OPRD1: variants seen among roughly 807,000 people sequenced by gnomAD.
OPRD1 encodes the protein delta-type opioid receptor.
Under a neutral mutation model 17.5 loss-of-function variants are expected in OPRD1, and 19 were observed. The observed-to-expected ratio is 1.09, with a 90% CI of 0.76 to 1.60. OPRD1 has a LOEUF of 1.60. Ranked by LOEUF, OPRD1 falls within the 40% of genes most tolerant of loss-of-function variation. The pLI is 0.00. For synonymous variants in OPRD1, 256 were observed against 240.9 expected (o/e 1.06, Z -0.58); for missense variants, 483 against 547.2 (o/e 0.88, Z 1.17).
At chr1:28,832,102 A>G (rs1451423461) in intron 1 of OPRD1, among the ~76,000 whole-genome samples, 1 of 152,182 alleles carries the variant, frequency 6.6e-6, no homozygotes, top group Non-Finnish European at 1.5e-5. Context: ...AGCAGTGTCC[A>G]TGAAGCAATG....
At chr1:28,837,066 C>T (rs766306844) in intron 1 of OPRD1, among the ~76,000 whole-genome samples, 8 of 152,034 alleles carry the variant, frequency 5.3e-5, no homozygotes, top group East Asian at 1.9e-4. Flanking sequence ...CAGTGGGGCT[C>T]CTGAGCTTGT....
chr1:28,859,730 A>T (rs2089095798), intron 2 of OPRD1, among the ~76,000 whole-genome samples: 1 of 152,180 alleles, frequency 6.6e-6, no homozygotes, highest in Non-Finnish European at 1.5e-5. Context: ...AGGCTGCAAG[A>T]TCTGTGGTCC....
In OPRD1 at chr1:28,823,634, T is replaced by G. The variant is rs544694130; in HGVS notation, c.227+11024T>G. On this transcript the variant is annotated intron_variant, in intron 1 of 2. Coordinates refer to ENST00000234961, the MANE Select transcript of OPRD1 (RefSeq NM_000911.4). The stretch of plus-strand genomic sequence containing the variant: ...TGGTCTCGAGCTCCAGACCTTGTGA[T>G]CCGCCTGCCTTGGTCTCCCAAAGTG... Among the ~76,000 whole-genome samples, 72 of 152,078 alleles carry G rather than the reference T, an allele frequency of 4.7e-4. 1 individual carries two copies. The East Asian group carries it at 0.013, about 27-fold the overall frequency.
intron 1 of OPRD1, among the ~76,000 whole-genome samples, chr1:28,813,343 G>A (rs915956065): frequency 2.0e-5 from 3 of 152,204 alleles, no homozygotes; most frequent in East Asian, 3.9e-4. Flanking sequence ...TGTTCCCTTC[G>A]CCAGTGCCCA....
chr1:28,852,182 A>AAAAAG (rs1283022929), intron 1 of OPRD1, among the ~76,000 whole-genome samples: 1 of 151,006 alleles, frequency 6.6e-6, no homozygotes, highest in Admixed American at 6.6e-5. Context: ...AAAAAAAAAA[A>AAAAAG]AAAAGAAAAG....
In OPRD1 at chr1:28,862,837, C is replaced by T. The variant is rs1413871152; in HGVS notation, c.673C>T (p.Pro225Ser). 1 of 1,613,042 alleles carries T rather than the reference C, an allele frequency of 6.2e-7. No individual in the cohort carries two copies. Among genetic ancestry groups the T allele is most frequent in the Non-Finnish European group, 8.5e-7 (1 of 1,180,048 alleles). The change falls in exon 3 of 3, where the codon CCC becomes TCC. Residue 225 changes from proline (P) to serine (S), a missense_variant. Pro to Ser is a moderately conservative substitution (Grantham distance 74). Transcript: ENST00000234961. ...CGTGTTCCTCTTCGCCTTCGTGGTGCCCATCCTCATCATCACCGTGTGCTA... is the reference window on the plus strand; with the variant it reads ...CGTGTTCCTCTTCGCCTTCGTGGTGTCCATCCTCATCATCACCGTGTGCTA... ...ICVFLFAFVV[P>S]ILIITVCYGL...
At chr1:28,857,741 GC>G (rs2089069696) in intron 1 of OPRD1, among the ~76,000 whole-genome samples, 1 of 152,068 alleles carries the variant, frequency 6.6e-6, no homozygotes, top group Non-Finnish European at 1.5e-5. Context: ...CCCTGCCTTG[GC>G]CCCCCAAAGT....
intron 1 of OPRD1, among the ~76,000 whole-genome samples, chr1:28,830,251 C>A (rs1569617036): frequency 6.6e-6 from 1 of 151,766 alleles, no homozygotes; most frequent in Non-Finnish European, 1.5e-5. Context: ...TGGCCAGGCA[C>A]GGTGGTCATG....
In OPRD1 at chr1:28,867,552, G is replaced by A. The variant is rs12124933; in HGVS notation, c.*4269G>A. 1.3e-5 allele frequency: 2 copies of A among 151,676 alleles called. No individual in the cohort carries two copies. Among genetic ancestry groups the A allele is most frequent in the African/African-American group, 4.9e-5 (2 of 41,198 alleles). The allele number at this position is 151,676 out of a possible 1,614,324, so 9.4% of individuals were successfully genotyped here. A position where few individuals can be genotyped will look rare whatever the true frequency, so the allele number is the denominator to read the frequency against. On this transcript the variant is annotated 3_prime_UTR_variant, in exon 3 of 3. Transcript: ENST00000234961. ...GACCAGAGTGTCTCTGTGTTGCCCA[G>A]ACTGGTCTTGAACTTCTGTCCTCAA...
intron 1 of OPRD1, among the ~76,000 whole-genome samples, chr1:28,846,129 A>C (rs11576623): frequency 1.3e-5 from 2 of 152,138 alleles, no homozygotes; most frequent in Non-Finnish European, 2.9e-5. Flanking sequence ...GTGATTTCTG[A>C]CCATTCCTGC....
At chr1:28,856,041 AGT>A (rs1387755076) in intron 1 of OPRD1, among the ~76,000 whole-genome samples, 1 of 152,162 alleles carries the variant, frequency 6.6e-6, no homozygotes, top group Non-Finnish European at 1.5e-5. Flanking sequence ...AAAAACACTG[AGT>A]GCCTCGTCCT....
intron 1 of OPRD1, among the ~76,000 whole-genome samples, chr1:28,854,795 G>A (rs2089039987): frequency 6.6e-6 from 1 of 152,110 alleles, no homozygotes; most frequent in Non-Finnish European, 1.5e-5. Flanking sequence ...TGGGATTACA[G>A]GAGCATGCCA....
At chr1:28,832,796 G>T (rs1369915659) in intron 1 of OPRD1, among the ~76,000 whole-genome samples, 1 of 152,084 alleles carries the variant, frequency 6.6e-6, no homozygotes, top group Admixed American at 6.6e-5. Context: ...ACTTCCTGGG[G>T]TGTGTGTGAT....
chr1:28,851,326 C>T (rs1471327440), intron 1 of OPRD1, among the ~76,000 whole-genome samples: 1 of 152,184 alleles, frequency 6.6e-6, no homozygotes, highest in Non-Finnish European at 1.5e-5. Flanking sequence ...AAATTACTTC[C>T]AACCTACCAT....
chr1:28,850,419 G>A (rs1323108575), intron 1 of OPRD1, among the ~76,000 whole-genome samples: 2 of 151,976 alleles, frequency 1.3e-5, no homozygotes, highest in East Asian at 3.9e-4. Flanking sequence ...CACCTCCTGG[G>A]TTCAAGCGAT....
In OPRD1 at chr1:28,863,562, C is replaced by T. The variant is rs1331001358; in HGVS notation, c.*279C>T. Reference sequence around the variant, plus strand: ...GGTGGGGCGGGAAAGCCAGTGACTCCAGGAGAGGAGCGGGACCTGTGGCTC... The same window carrying T: ...GGTGGGGCGGGAAAGCCAGTGACTCTAGGAGAGGAGCGGGACCTGTGGCTC... On this transcript the variant is annotated 3_prime_UTR_variant, in exon 3 of 3. Coordinates refer to ENST00000234961, the MANE Select transcript of OPRD1 (RefSeq NM_000911.4). The T allele has an allele frequency of 1.3e-5, 5 of 399,764 alleles. No homozygotes were observed. The highest frequency in any genetic ancestry group is 4.2e-5 in the African/African-American group (2 of 47,832). 24.8% of individuals were successfully genotyped at this position (399,764 alleles called of 1,614,324 possible).
chr1:28,822,794 A>G (rs2088727292), intron 1 of OPRD1, among the ~76,000 whole-genome samples: 1 of 152,102 alleles, frequency 6.6e-6, no homozygotes, highest in South Asian at 2.1e-4. Context: ...TTTTAAAAAG[A>G]ATGATTTTTA....
At chr1:28,840,321 A>G (rs540547434) in intron 1 of OPRD1, among the ~76,000 whole-genome samples, 1 of 152,144 alleles carries the variant, frequency 6.6e-6, no homozygotes, top group African/African-American at 2.4e-5. Flanking sequence ...TGGCGTAATC[A>G]TAGCTCACTG....
chr1:28,830,251 C>T (rs1569617036), intron 1 of OPRD1, among the ~76,000 whole-genome samples: 1 of 151,766 alleles, frequency 6.6e-6, no homozygotes, highest in Non-Finnish European at 1.5e-5. Flanking sequence ...TGGCCAGGCA[C>T]GGTGGTCATG....
Sources: gnomAD v4.1 joint callset for allele counts (sites outside exome capture counted in the v4.1 genomes callset) on GRCh38, gnomAD v4.1.1 for gene constraint, MANE v1.5 for transcripts, NCBI Gene and HGNC (gene_info 2026-07-23, HGNC 2026-07-21) for gene names.